Variants in ABHD15 observed in about 807,000 individuals in gnomAD.
ABHD15 encodes the protein abhydrolase domain containing 15.
A neutral mutation model predicts 34.4 loss-of-function variants in ABHD15; 34 were observed. The ratio of observed to expected loss-of-function variants is 0.99; its 90% confidence interval spans 0.75 to 1.32. The LOEUF is 1.32. ABHD15 is among the 40% of genes most tolerant of loss of function. The pLI, the probability that ABHD15 is intolerant of heterozygous loss-of-function variation, is 0.00. For missense variants in ABHD15, 644 were observed against 650.4 expected (o/e 0.99, Z 0.11); for synonymous variants, 314 against 299.2 (o/e 1.05, Z -0.51).
chr17:29,563,845 C>T (rs998138041), intron 1 of ABHD15, among the ~76,000 whole-genome samples: 223 of 151,898 alleles, frequency 1.5e-3, no homozygotes, highest in African/African-American at 5.3e-3. Context: ...GCTGACAGAG[C>T]GAGACTCCAT....
Position 29,566,258 on chromosome 17 carries a change from C to T in ABHD15, c.709G>A (p.Gly237Ser). Residue 237 changes from glycine (G) to serine (S), a missense_variant, in exon 1 of 2, where the codon GGC becomes AGC. By Grantham distance (56) the Gly-to-Ser change is moderately conservative (BLOSUM62 0). Transcript: ENST00000307201. ...GACAGGAGCAGCGCCGAGCCCGAGC[C>T]TTCGCTCACCGCGAACAGCGGCGCC... The part of the protein sequence containing the change: ...PAAPLFAVSE[G>S]SGSALLLSYL... 6.2e-7 allele frequency: 1 copy of T among 1,610,760 alleles called. No individual in the cohort carries two copies. Among genetic ancestry groups the T allele is most frequent in the Non-Finnish European group, 8.5e-7 (1 of 1,178,900 alleles).
chr17:29,561,979 C>G lies in ABHD15; in HGVS notation c.*582G>C, dbSNP rs1211506850. On this transcript the variant is annotated 3_prime_UTR_variant, in exon 2 of 2. Transcript: ENST00000307201. ...TCCTTGAGATGGACATTCACATTCT[C>G]TACCTGCTCAGCCCTCAGCGAGCCA... 1 of 153,030 alleles carries G rather than the reference C, an allele frequency of 6.5e-6. No individual in the cohort carries two copies. Among genetic ancestry groups the G allele is most frequent in the Non-Finnish European group, 1.5e-5 (1 of 68,646 alleles). 9.5% of individuals were successfully genotyped at this position (153,030 alleles called of 1,614,324 possible).
chr17:29,564,585 G>A (rs563240451), intron 1 of ABHD15, among the ~76,000 whole-genome samples: 1 of 152,336 alleles, frequency 6.6e-6, no homozygotes, highest in South Asian at 2.1e-4. Context: ...CAGGCATAGT[G>A]GCTCACATCT....
chr17:29,563,007 G>C lies in ABHD15; in HGVS notation c.961C>G (p.Leu321Val), dbSNP rs2032652338. 2 of 1,613,382 alleles carry C rather than the reference G, an allele frequency of 1.2e-6. No homozygotes were observed. Among genetic ancestry groups the C allele is most frequent in the South Asian group, 1.1e-5 (1 of 91,084 alleles). ...GGGAAGCTTTTGGTGTGGCAGAAGA[G>C]AGCCTCCTCAAACTCTCGAAGGGAA... ...SRSLREFEEA[L>V]FCHTKSFPIS... is the part of the protein sequence containing the mutation. The change falls in exon 2 of 2, where the codon CTC (leucine) becomes GTC (valine). Residue 321 changes from leucine (L) to valine (V), a missense_variant. Transcript: ENST00000307201.
Position 29,566,641 on chromosome 17 carries a change from A to C in ABHD15, c.326T>G (p.Leu109Arg). 1 of 1,606,188 alleles carries C rather than the reference A, an allele frequency of 6.2e-7. No individual in the cohort carries two copies. The highest frequency in any genetic ancestry group is 8.5e-7 in the Non-Finnish European group (1 of 1,179,446). The change falls in exon 1 of 2, where the codon CTC becomes CGC. Residue 109 changes from leucine (L) to arginine (R), a missense_variant. Physicochemically the swap from Leu to Arg is moderately radical, Grantham distance 102 (BLOSUM62 -2). Coordinates refer to ENST00000307201, the MANE Select transcript of ABHD15 (RefSeq NM_198147.3). ...CGCTACGGGCAGGACGAAGTGGCAG[A>C]GGGTCTGCAGGTGGGGCCCGGAGAA... The part of the protein sequence containing the change: ...SWFSGPHLQT[L>R]CHFVLPVAPG...
chr17:29,562,828 G>A lies in ABHD15; in HGVS notation c.1140C>T (p.Tyr380=). The A allele has an allele frequency of 6.2e-7, 1 of 1,613,778 alleles. No individual in the cohort carries two copies. The highest frequency in any genetic ancestry group is 8.5e-7 in the Non-Finnish European group (1 of 1,179,702). The change falls in exon 2 of 2, where the codon TAC becomes TAT. Residue 380 remains tyrosine, a synonymous_variant. Coordinates refer to ENST00000307201, the MANE Select transcript of ABHD15 (RefSeq NM_198147.3). ...CGTGGCGACTGAGCAGGAGGAAGAAGTAGGGGTTGCTGTGGAAGAGTTCAG... is the reference window on the plus strand; with the variant it reads ...CGTGGCGACTGAGCAGGAGGAAGAAATAGGGGTTGCTGTGGAAGAGTTCAG... ...LTTELFHSNP[Y]FFLLLSRHGG...
rs1671572289 is a variant in ABHD15 at position 29,566,236 on chromosome 17, A to T, written c.731T>A (p.Leu244Gln). ...GGAGCCGCACTCGCCCAGGTAGGACAGGAGCAGCGCCGAGCCCGAGCCTTC... is the reference window on the plus strand; with the variant it reads ...GGAGCCGCACTCGCCCAGGTAGGACTGGAGCAGCGCCGAGCCCGAGCCTTC... ...VSEGSGSALL[L>Q]SYLGECGSSS... The change falls in exon 1 of 2, where the codon CTG becomes CAG. Residue 244 changes from leucine (L) to glutamine (Q), a missense_variant. Transcript: ENST00000307201. 2 of 1,610,888 alleles carry T rather than the reference A, an allele frequency of 1.2e-6. No individual in the cohort carries two copies. The highest frequency in any genetic ancestry group is 1.7e-5 in the Admixed American group (1 of 59,746).
In ABHD15 at chr17:29,563,019, A is replaced by G; in HGVS notation, c.949T>C (p.Phe317Leu). Residue 317 changes from phenylalanine to leucine, a missense_variant, in exon 2 of 2, where the codon TTT (phenylalanine) becomes CTT (leucine). Physicochemically the swap from Phe to Leu is conservative, Grantham distance 22. Transcript: ENST00000307201. Reference sequence around the variant, plus strand: ...GTGTGGCAGAAGAGAGCCTCCTCAAACTCTCGAAGGGAACGGCTCCTGAAC... The same window carrying G: ...GTGTGGCAGAAGAGAGCCTCCTCAAGCTCTCGAAGGGAACGGCTCCTGAAC... ...RLFRSRSLRE[F>L]EEALFCHTKS... 1 of 1,612,844 alleles carries G rather than the reference A, an allele frequency of 6.2e-7. No homozygotes were observed. Among genetic ancestry groups the G allele is most frequent in the Non-Finnish European group, 8.5e-7 (1 of 1,179,966 alleles).
chr17:29,565,848 C>T (rs1310929181), intron 1 of ABHD15, among the ~76,000 whole-genome samples: 1 of 152,164 alleles, frequency 6.6e-6, no homozygotes, highest in Non-Finnish European at 1.5e-5. Flanking sequence ...GGCAAGGGGC[C>T]GGGTTAGGAG....
rs1051787223 is a variant in ABHD15 at position 29,566,656 on chromosome 17, G to C, written c.311C>G (p.Pro104Arg). 6.2e-7 allele frequency: 1 copy of C among 1,603,672 alleles called. No individual in the cohort carries two copies. The highest frequency in any genetic ancestry group is 1.3e-5 in the African/African-American group (1 of 75,004). The change falls in exon 1 of 2, where the codon CCC (proline) becomes CGC (arginine). Residue 104 changes from proline to arginine, a missense_variant. Transcript: ENST00000307201. ...GAAGTGGCAGAGGGTCTGCAGGTGG[G>C]GCCCGGAGAACCAGGAGCGCGGGCC... The part of the protein sequence containing the change: ...EAGPRSWFSG[P>R]HLQTLCHFVL...
At position 29,562,748 on chromosome 17, in the gene ABHD15, A is replaced by T; in HGVS notation, c.1220T>A (p.Val407Asp). The T allele has an allele frequency of 6.2e-7, 1 of 1,614,046 alleles. No individual in the cohort carries two copies. The highest frequency in any genetic ancestry group is 8.5e-7 in the Non-Finnish European group (1 of 1,179,998). ...QEPLPAWSHEVILESFRALTE... is the reference protein window; with the variant it reads ...QEPLPAWSHEDILESFRALTE... ...CAAGGCCCGGAAGGACTCCAAGATG[A>T]CCTCATGGCTCCAGGCTGGCAAGGG... The change falls in exon 2 of 2, where the codon GTC becomes GAC. Residue 407 changes from valine to aspartate, a missense_variant. Val to Asp is a radical substitution (Grantham distance 152, BLOSUM62 -3). Coordinates refer to ENST00000307201, the MANE Select transcript of ABHD15 (RefSeq NM_198147.3).
Position 29,566,928 on chromosome 17 carries a change from G to T in ABHD15, c.39C>A (p.Ala13=), listed in dbSNP as rs1426287979. 2 of 1,456,444 alleles carry T rather than the reference G, an allele frequency of 1.4e-6. No individual in the cohort carries two copies. The highest frequency in any genetic ancestry group is 1.8e-6 in the Non-Finnish European group (2 of 1,113,464). The allele number at this position is 1,456,444 out of a possible 1,614,324, so 90.2% of individuals were successfully genotyped here. A position where few individuals can be genotyped will look rare whatever the true frequency, so the allele number is the denominator to read the frequency against. The change falls in exon 1 of 2, where the codon GCC becomes GCA. Residue 13 remains alanine, a synonymous_variant. Transcript: ENST00000307201. ...CGAGCAGGCCGAGAAGGGCGAGCAC[G>T]GCCAAGATGAGCGCGAGGGCGGCGC... is the stretch of plus-strand genomic sequence containing the variant. ...PWGAALALIL[A]VLALLGLLGP... is the part of the protein sequence containing the mutation.
Position 29,562,625 on chromosome 17 carries a change from C to A in ABHD15, c.1343G>T (p.Arg448Leu). Residue 448 changes from arginine to leucine, a missense_variant, in exon 2 of 2, where the codon CGG becomes CTG. Physicochemically the swap from Arg to Leu is moderately radical, Grantham distance 102 (BLOSUM62 -2). Coordinates refer to ENST00000307201, the MANE Select transcript of ABHD15 (RefSeq NM_198147.3). ...CAGGTTGGAAGAGGAAGAGACTTCC[C>A]GCCTCTGCAAGGCTCCCCCACGACG... Reference protein sequence around the residue: ...GRRRGGALQRREVSSSSNLEE... With the variant: ...GRRRGGALQRLEVSSSSNLEE... The A allele has an allele frequency of 6.2e-7, 1 of 1,614,038 alleles. No homozygotes were observed. Among genetic ancestry groups the A allele is most frequent in the Non-Finnish European group, 8.5e-7 (1 of 1,179,998 alleles).
In ABHD15 at chr17:29,563,099, T is replaced by C. The variant is rs1203980961; in HGVS notation, c.882-13A>G. ...GGCTGTGGCATACCTGGCAGCGAGG[T>C]GTTTAGTGGGGAAGGTGGGAAAGAG... On this transcript the variant is annotated splice_polypyrimidine_tract_variant and intron_variant, in intron 1 of 1. Coordinates refer to ENST00000307201, the MANE Select transcript of ABHD15 (RefSeq NM_198147.3). 9.4e-6 allele frequency: 15 copies of C among 1,589,894 alleles called. No homozygotes were observed. Among genetic ancestry groups the C allele is most frequent in the Middle Eastern group, 1.7e-4 (1 of 5,970 alleles).
intron 1 of ABHD15, among the ~76,000 whole-genome samples, chr17:29,565,830 C>G (rs1456363908): frequency 6.6e-6 from 1 of 152,176 alleles, no homozygotes; most frequent in African/African-American, 2.4e-5. Flanking sequence ...CAGGGGGTGC[C>G]GAGATGAGGC....
At position 29,566,571 on chromosome 17, in the gene ABHD15, A is replaced by G; in HGVS notation, c.396T>C (p.Asp132=). 2.5e-6 allele frequency: 4 copies of G among 1,608,460 alleles called. No homozygotes were observed. The highest frequency in any genetic ancestry group is 3.4e-6 in the Non-Finnish European group (4 of 1,178,512). ...LAREYLQLAD[D]GLVALDWVVG... is the part of the protein sequence containing the mutation. ...CCACCCAGTCCAGGGCCACTAGCCC[A>G]TCGTCCGCCAACTGCAGGTACTCCC... The change falls in exon 1 of 2, where the codon GAT becomes GAC. Residue 132 remains aspartate, a synonymous_variant. Coordinates refer to ENST00000307201, the MANE Select transcript of ABHD15 (RefSeq NM_198147.3).
In ABHD15 at chr17:29,566,584, T is replaced by C; in HGVS notation, c.383A>G (p.Gln128Arg). The C allele has an allele frequency of 1.2e-6, 2 of 1,609,002 alleles. No homozygotes were observed. The highest frequency in any genetic ancestry group is 8.5e-7 in the Non-Finnish European group (1 of 1,178,944). The change falls in exon 1 of 2, where the codon CAG becomes CGG. Residue 128 changes from glutamine to arginine, a missense_variant. Transcript: ENST00000307201. ...GGCCACTAGCCCATCGTCCGCCAAC[T>C]GCAGGTACTCCCGGGCCAGCTCAGG... ...PGPELAREYL[Q>R]LADDGLVALD...
chr17:29,565,822 G>A lies in ABHD15; in HGVS notation c.881+264C>T, dbSNP rs190571749. Among the ~76,000 whole-genome samples, 14 of 152,354 alleles carry A rather than the reference G, an allele frequency of 9.2e-5. No individual in the cohort carries two copies. In the East Asian group the frequency reaches 2.7e-3, roughly 29 times the overall value. ...GTGCTCAGATTGCTAGGATACAGCA[G>A]GGGGTGCCGAGATGAGGCAAGGGGC... On this transcript the variant is annotated intron_variant, in intron 1 of 1. Transcript: ENST00000307201.
At position 29,562,623 on chromosome 17, in the gene ABHD15, C is replaced by CT; in HGVS notation, c.1344_1345insA (p.Glu449ArgfsTer13). On this transcript the variant is annotated frameshift_variant, in exon 2 of 2. Coordinates refer to ENST00000307201, the MANE Select transcript of ABHD15 (RefSeq NM_198147.3). LOFTEE classifies it high-confidence loss of function. ...TCCAGGTTGGAAGAGGAAGAGACTT[C>CT]CCGCCTCTGCAAGGCTCCCCCACGA... The CT allele has an allele frequency of 1.2e-6, 2 of 1,614,072 alleles. No individual in the cohort carries two copies. Among genetic ancestry groups the CT allele is most frequent in the Non-Finnish European group, 1.7e-6 (2 of 1,180,020 alleles).
Sources: gnomAD v4.1 joint callset for allele counts (sites outside exome capture counted in the v4.1 genomes callset) on GRCh38, gnomAD v4.1.1 for gene constraint, MANE v1.5 for transcripts, NCBI Gene and HGNC (gene_info 2026-07-23, HGNC 2026-07-21) for gene names.